The following USH2A variants were observed in gnomAD, a reference collection of about 807,000 sequenced individuals.
USH2A encodes the protein Usher syndrome 2A (autosomal recessive, mild).
In USH2A, 443 loss-of-function variants were observed where a neutral mutation model predicts 538.9. That is an observed-to-expected ratio of 0.82 (90% CI 0.76 to 0.89). The LOEUF (loss-of-function observed/expected upper bound fraction) is 0.89. Among genes scored for constraint, USH2A ranks in the 40% least tolerant of loss-of-function variants. The pLI, the probability that USH2A is intolerant of heterozygous loss-of-function variation, is 0.00. For synonymous variants in USH2A, 2,413 were observed against 2,273.5 expected, an observed-to-expected ratio of 1.06 and a Z score of -1.75; for missense variants, 6,633 against 6,324.8, an observed-to-expected ratio of 1.05 and a Z score of -1.65.
At chr1:216,013,281 A>G (rs1668622247) in intron 32 of USH2A, among the ~76,000 whole-genome samples, 1 of 145,294 alleles carries the variant, frequency 6.9e-6, no homozygotes, top group Non-Finnish European at 1.5e-5. Context: ...TTACCACAAG[A>G]CCTCCCTTCA....
chr1:215,903,123 G>A (rs1389517421), intron 38 of USH2A, among the ~76,000 whole-genome samples: 3 of 152,048 alleles, frequency 2.0e-5, no homozygotes, highest in African/African-American at 7.2e-5. Context: ...ACTGGAAGCC[G>A]AGTAAAGAAA....
chr1:216,027,689 G>A (rs1002418183), intron 32 of USH2A, among the ~76,000 whole-genome samples: 2 of 152,140 alleles, frequency 1.3e-5, no homozygotes, highest in Admixed American at 6.6e-5. Flanking sequence ...AAATTCACTA[G>A]TTCACAATAT....
rs1553250627 is a variant in USH2A, at chr1:216,323,627, C to A, written c.1397G>T (p.Gly466Val). The change falls in exon 8 of 72, where the codon GGA (glycine) becomes GTA (valine). Residue 466 changes from glycine (G) to valine (V), a missense_variant. Physicochemically the swap from Gly to Val is moderately radical, Grantham distance 109 (BLOSUM62 -3). Coordinates refer to ENST00000307340, the MANE Select transcript of USH2A (RefSeq NM_206933.4). ...TGGGGTATTATAGAAGTTATTGTAT[C>A]CAGGACGATAATTTGGTCCAGGTGT... ...ILTPGPNYRP[G>V]YNNFYNTPSL... The A allele has an allele frequency of 3.1e-6, 5 of 1,613,338 alleles. No individual in the cohort carries two copies. The East Asian group carries it at 1.1e-4, about 36-fold the overall frequency.
At chr1:216,415,508 CTTTTTTTTTTT>C (rs71161423) in intron 3 of USH2A, among the ~76,000 whole-genome samples, 7 of 96,876 alleles carry the variant, frequency 7.2e-5, no homozygotes, top group Admixed American at 1.2e-4. Flanking sequence ...CTTCCTGTCA[CTTTTTTTTTTT>C]TTTTTTTTTT....
At chr1:216,261,449 C>CAA (rs200708104) in intron 11 of USH2A, among the ~76,000 whole-genome samples, 27 of 81,392 alleles carry the variant, frequency 3.3e-4, no homozygotes, top group African/African-American at 7.7e-4. Flanking sequence ...ATTCTATATC[C>CAA]AAAAAAAAAA....
At chr1:216,003,012 C>A (rs1023255773) in intron 32 of USH2A, among the ~76,000 whole-genome samples, 1 of 152,038 alleles carries the variant, frequency 6.6e-6, no homozygotes, top group African/African-American at 2.4e-5. Flanking sequence ...CCAGAATATC[C>A]GCCTCAGATG....
chr1:215,813,964 G>GT lies in USH2A; in HGVS notation c.9571-61dup. Reference sequence around the variant, plus strand: ...GTTTAGTTAAGAGTGTTATACCACTGTATCTCATGTAATATAATTATTTTC... The same window carrying GT: ...GTTTAGTTAAGAGTGTTATACCACTGTTATCTCATGTAATATAATTATTTTC... On this transcript the variant is annotated intron_variant, in intron 48 of 71. Transcript: ENST00000307340. The GT allele has an allele frequency of 2.0e-6, 3 of 1,523,708 alleles. No homozygotes were observed. The South Asian group carries it at 3.4e-5, about 17-fold the overall frequency. The allele number at this position is 1,523,708 out of a possible 1,614,324, so 94.4% of individuals were successfully genotyped here. A position where few individuals can be genotyped will look rare whatever the true frequency, so the allele number is the denominator to read the frequency against.
intron 4 of USH2A, among the ~76,000 whole-genome samples, chr1:216,335,632 G>A (rs2037954377): frequency 2.0e-5 from 3 of 151,456 alleles, no homozygotes; most frequent in South Asian, 4.1e-4. Flanking sequence ...GATCATAAGG[G>A]ATACTATGAA....
chr1:216,151,542 G>A (rs542090305), intron 21 of USH2A, among the ~76,000 whole-genome samples: 5 of 152,120 alleles, frequency 3.3e-5, no homozygotes, highest in African/African-American at 4.8e-5. Context: ...GCATTTCAAC[G>A]TCTGTCATGA....
intron 35 of USH2A, among the ~76,000 whole-genome samples, chr1:215,980,006 T>C (rs1283591133): frequency 1.3e-5 from 2 of 152,180 alleles, no homozygotes; most frequent in South Asian, 4.1e-4. Context: ...GATGTTGACA[T>C]TGGGAGAAAC....
chr1:216,119,524 CTA>C (rs2033082640), intron 21 of USH2A, among the ~76,000 whole-genome samples: 1 of 151,852 alleles, frequency 6.6e-6, no homozygotes, highest in Non-Finnish European at 1.5e-5. Flanking sequence ...AATAGGAACT[CTA>C]TGTTGTTTTA....
At chr1:215,782,692 G>C in intron 53 of USH2A, 46 bp downstream of exon 53, 1 of 1,593,026 alleles carries the variant, frequency 6.3e-7, no homozygotes, top group Non-Finnish European at 8.6e-7. Flanking sequence ...ATTTTCTTAT[G>C]AATTTATGGG....
intron 61 of USH2A, among the ~76,000 whole-genome samples, chr1:215,686,030 C>T (rs1658414046): frequency 1.3e-5 from 2 of 152,158 alleles, no homozygotes; most frequent in Admixed American, 6.5e-5. Context: ...TGCTAGGCAG[C>T]ATCACCAAGT....
At chr1:215,837,926 T>G in intron 47 of USH2A, 65 bp downstream of exon 47, 7 of 1,296,158 alleles carry the variant, frequency 5.4e-6, no homozygotes, top group Non-Finnish European at 7.9e-6. Context: ...GAGGATACCT[T>G]TGATTTTTAT....
chr1:215,629,707 A>C (rs1222492797), intron 70 of USH2A, among the ~76,000 whole-genome samples: 1 of 152,092 alleles, frequency 6.6e-6, no homozygotes, highest in Non-Finnish European at 1.5e-5. Flanking sequence ...TAGTTGCTCT[A>C]AATATCTGAG....
chr1:215,671,167 T>C lies in USH2A; in HGVS notation c.13938A>G (p.Pro4646=), dbSNP rs1657802510. 1 of 1,614,034 alleles carries C rather than the reference T, an allele frequency of 6.2e-7. No individual in the cohort carries two copies. The highest frequency in any genetic ancestry group is 8.5e-7 in the Non-Finnish European group (1 of 1,180,018). Residue 4646 remains proline (P), a synonymous_variant, in exon 64 of 72, where the codon CCA becomes CCG. Coordinates refer to ENST00000307340, the MANE Select transcript of USH2A (RefSeq NM_206933.4). ...GAGAAACAGTTGGCTGGAATCCTCC[T>C]GGAGCCATTTGTACCTCCAGATGTG... is the stretch of plus-strand genomic sequence containing the variant. The part of the protein sequence containing the change: ...PPPHLEVQMA[P]GGFQPTVSLL...
intron 9 of USH2A, among the ~76,000 whole-genome samples, chr1:216,317,983 T>A (rs893492047): frequency 1.3e-5 from 2 of 152,216 alleles, no homozygotes; most frequent in Non-Finnish European, 2.9e-5. Flanking sequence ...GACATTGACC[T>A]TATAAACAAA....
At chr1:215,698,540 A>C (rs1478691952) in intron 61 of USH2A, among the ~76,000 whole-genome samples, 3 of 152,188 alleles carry the variant, frequency 2.0e-5, no homozygotes, top group Admixed American at 6.5e-5. Context: ...ATGGTATCTC[A>C]TTGTGGTTTT....
chr1:216,010,425 G>GCC, intron 32 of USH2A, among the ~76,000 whole-genome samples: 1 of 152,088 alleles, frequency 6.6e-6, no homozygotes, highest in African/African-American at 2.4e-5. Context: ...TGGAACTCTG[G>GCC]CCCAAGGTTC....
Sources: gnomAD v4.1 joint callset for allele counts (sites outside exome capture counted in the v4.1 genomes callset) on GRCh38, gnomAD v4.1.1 for gene constraint, MANE v1.5 for transcripts, NCBI Gene and HGNC (gene_info 2026-07-23, HGNC 2026-07-21) for gene names.